METTL15: variants seen among roughly 807,000 people sequenced by gnomAD.
METTL15 encodes methyltransferase 15, mitochondrial 12S rRNA N4-cytidine, also known as 12S rRNA N(4)-cytidine methyltransferase METTL15.
Under a neutral mutation model 38.3 loss-of-function variants are expected in METTL15, and 34 were observed. The observed-to-expected ratio is 0.89, with a 90% confidence interval of 0.68 to 1.18. The LOEUF is 1.18. Ranked by LOEUF, METTL15 falls within the 50% of genes most tolerant of loss-of-function variation. METTL15 has a pLI of 0.00. For synonymous variants in METTL15, 162 were observed against 170.9 expected, an observed-to-expected ratio of 0.95 and a Z score of 0.41; for missense variants, 438 against 498.4, an observed-to-expected ratio of 0.88 and a Z score of 1.15.
At chr11:28,415,367 G>T (rs934268467) in intron 5 of METTL15, among the ~76,000 whole-genome samples, 5 of 152,142 alleles carry the variant, frequency 3.3e-5, no homozygotes, top group African/African-American at 1.2e-4. Context: ...AGGTATCTGA[G>T]AACACACCAC....
rs1258641801 is a variant in METTL15 at position 28,373,271 on chromosome 11, C to G, written c.*358+11235C>G. ...AAGTGTTCCTATTTCTCCACATCCT[C>G]TCCAGCACCTGTTGTTTCCTGACTT... On this transcript the variant is annotated intron_variant and NMD_transcript_variant, in intron 5 of 7. Transcript: ENST00000532947. Among the ~76,000 whole-genome samples, 3 of 152,062 alleles carry G rather than the reference C, an allele frequency of 2.0e-5. No homozygotes were observed. In the East Asian group the frequency reaches 5.8e-4, roughly 29 times the overall value.
intron 6 of METTL15, among the ~76,000 whole-genome samples, chr11:28,454,223 G>T (rs1851148765): frequency 6.6e-6 from 1 of 152,138 alleles, no homozygotes; most frequent in South Asian, 2.1e-4. Flanking sequence ...CAGCTTTACT[G>T]GTATTATGGT....
At chr11:28,373,902 G>A (rs1340293197) in intron 5 of METTL15, among the ~76,000 whole-genome samples, 1 of 152,058 alleles carries the variant, frequency 6.6e-6, no homozygotes, top group Non-Finnish European at 1.5e-5. Flanking sequence ...AGTTTTCCCA[G>A]CACCACTTAT....
chr11:28,243,922 C>T (rs1359966137), intron 4 of METTL15, among the ~76,000 whole-genome samples: 1 of 152,104 alleles, frequency 6.6e-6, no homozygotes, highest in Non-Finnish European at 1.5e-5. Context: ...TTTTGTGGGT[C>T]AGAAATTTGG....
In METTL15 at chr11:28,219,602, G is replaced by A. The variant is rs750573387; in HGVS notation, c.407+8404G>A. Among the ~76,000 whole-genome samples the A allele has an allele frequency of 2.6e-5, 4 of 152,078 alleles. No homozygotes were observed. The South Asian group carries it at 6.2e-4, about 24-fold the overall frequency. ...GTTAGTTATTTCTTGCCTTCTGCTA[G>A]CTTTTGAATGTGTGTGCTCTTGCTT... On this transcript the variant is annotated intron_variant, in intron 4 of 6. Transcript: ENST00000407364.
At chr11:28,276,243 A>T (rs1433604066) in intron 4 of METTL15, among the ~76,000 whole-genome samples, 30 of 152,184 alleles carry the variant, frequency 2.0e-4, no homozygotes, top group Non-Finnish European at 1.5e-4. Flanking sequence ...TGAATTCAGT[A>T]GAGTTTCAGG....
In METTL15 at chr11:28,110,195, G is replaced by T. The variant is rs1481161567; in HGVS notation, c.-224G>T. The T allele has an allele frequency of 6.6e-6, 1 of 152,220 alleles. No individual in the cohort carries two copies. The highest frequency in any genetic ancestry group is 1.5e-5 in the Non-Finnish European group (1 of 68,038). The allele number at this position is 152,220 out of a possible 1,614,324, so 9.4% of individuals were successfully genotyped here. The stretch of plus-strand genomic sequence containing the variant: ...GTCGTTTGGAAACCCCAGGCCAACA[G>T]GACCCTTTGGCAGCTGAGGCTGGAA... On this transcript the variant is annotated 5_prime_UTR_variant, in exon 2 of 7. The change creates a new upstream start codon in the 5' untranslated region. Coordinates refer to ENST00000407364, the MANE Select transcript of METTL15 (RefSeq NM_001113528.2).
chr11:28,211,244 T>C (rs1360932926), intron 4 of METTL15, 46 bp downstream of exon 4: 1 of 1,569,186 alleles, frequency 6.4e-7, no homozygotes, highest in Non-Finnish European at 8.6e-7. Flanking sequence ...TTCTTAGTTT[T>C]ACAGAGCTTG....
chr11:28,511,198 C>T (rs188592875), intron 6 of METTL15, among the ~76,000 whole-genome samples: 376 of 152,238 alleles, frequency 2.5e-3, no homozygotes, highest in African/African-American at 8.7e-3. Context: ...TGACCCCCTG[C>T]GTAGTAGAAA....
intron 4 of METTL15, among the ~76,000 whole-genome samples, chr11:28,220,653 G>A (rs568288284): frequency 6.6e-6 from 1 of 152,234 alleles, no homozygotes; most frequent in East Asian, 1.9e-4. Flanking sequence ...TTTCTTCCTA[G>A]CCTCGATGGT....
At chr11:28,218,569 G>T (rs1412522908) in intron 4 of METTL15, among the ~76,000 whole-genome samples, 1 of 152,016 alleles carries the variant, frequency 6.6e-6, no homozygotes, top group Non-Finnish European at 1.5e-5. Context: ...CTGCCTGATT[G>T]CCCTGGCCAG....
chr11:28,328,981 AT>A (rs1404244788), intron 6 of METTL15, among the ~76,000 whole-genome samples: 1 of 151,904 alleles, frequency 6.6e-6, no homozygotes, highest in African/African-American at 2.4e-5. Flanking sequence ...AGTTTATCTA[AT>A]TTTTTCTTTT....
chr11:28,283,203 T>C (rs1025706630), intron 4 of METTL15, among the ~76,000 whole-genome samples: 9 of 152,160 alleles, frequency 5.9e-5, no homozygotes, highest in African/African-American at 2.2e-4. Flanking sequence ...TTCAAAGTTT[T>C]TCTTGAAAAT....
chr11:28,288,765 T>C (rs1480173275), intron 4 of METTL15, among the ~76,000 whole-genome samples: 1 of 152,092 alleles, frequency 6.6e-6, no homozygotes, highest in Non-Finnish European at 1.5e-5. Flanking sequence ...ACCCCCATGA[T>C]ACAAGTTTGC....
intron 6 of METTL15, among the ~76,000 whole-genome samples, chr11:28,312,581 G>A (rs1008743442): frequency 6.6e-6 from 1 of 152,050 alleles, no homozygotes; most frequent in Non-Finnish European, 1.5e-5. Context: ...TTCTTGTTGT[G>A]TTAGTCAATT....
chr11:28,474,002 C>CTAGA (rs1416174941), intron 6 of METTL15, among the ~76,000 whole-genome samples: 1 of 152,134 alleles, frequency 6.6e-6, no homozygotes, highest in East Asian at 1.9e-4. Flanking sequence ...CTGTGAAAGA[C>CTAGA]TCTAGAGTAT....
chr11:28,209,148 AATG>A (rs1246727622), intron 3 of METTL15, among the ~76,000 whole-genome samples: 14 of 151,972 alleles, frequency 9.2e-5, no homozygotes, highest in African/African-American at 2.7e-4. Context: ...GAATATTGCT[AATG>A]ATGATGATTT....
chr11:28,236,121 G>A (rs1202305093), intron 4 of METTL15, among the ~76,000 whole-genome samples: 31 of 152,052 alleles, frequency 2.0e-4, no homozygotes, highest in South Asian at 6.2e-4. Context: ...ATTGATTTGC[G>A]TATATTGAAC....
chr11:28,205,924 C>T (rs1281938005), intron 3 of METTL15, among the ~76,000 whole-genome samples: 4 of 149,606 alleles, frequency 2.7e-5, no homozygotes, highest in African/African-American at 1.0e-4. Context: ...AGTGTCTGCT[C>T]ATGTCCTTCG....
Sources: allele counts gnomAD v4.1 joint callset (sites outside exome capture counted in the v4.1 genomes callset), GRCh38; gene constraint gnomAD v4.1.1; transcripts MANE v1.5; gene names NCBI Gene and HGNC (gene_info 2026-07-23, HGNC 2026-07-21).